Variants in DLEC1 observed in about 807,000 individuals in gnomAD.
DLEC1 encodes deleted in lung and esophageal cancer protein 1.
A neutral mutation model predicts 198.1 loss-of-function variants in DLEC1; 146 were observed. The observed-to-expected ratio is 0.74, with a 90% confidence interval of 0.64 to 0.85. The LOEUF is 0.85. DLEC1 is among the 40% of genes least tolerant of loss of function. The pLI is 0.00. For missense variants in DLEC1, 2,233 were observed against 2,220.0 expected (o/e 1.01, Z -0.12); for synonymous variants, 897 against 866.8 (o/e 1.03, Z -0.61).
At chr3:38,049,993 A>C (rs1035135981) in intron 2 of DLEC1, among the ~76,000 whole-genome samples, 1 of 152,170 alleles carries the variant, frequency 6.6e-6, no homozygotes, top group Admixed American at 6.6e-5. Context: ...GAGTTTTGGA[A>C]AGGAAGGCCA....
chr3:38,108,359 C>G (rs747415157), intron 20 of DLEC1, 46 bp from the exon 21 acceptor site: 3 of 1,506,182 alleles, frequency 2.0e-6, no homozygotes, highest in Non-Finnish European at 2.8e-6. Flanking sequence ...CTGGTCCATT[C>G]TGGGAGCCCA....
intron 19 of DLEC1, among the ~76,000 whole-genome samples, chr3:38,104,057 A>G (rs1699443934): frequency 6.6e-6 from 1 of 152,260 alleles, no homozygotes; most frequent in Non-Finnish European, 1.5e-5. Flanking sequence ...CAGCGTTGTC[A>G]CAAACCTTCG....
intron 21 of DLEC1, 45 bp downstream of exon 21, chr3:38,108,560 G>T: frequency 6.6e-7 from 1 of 1,506,430 alleles, no homozygotes. Flanking sequence ...AAGGCACCCT[G>T]CCAACCATAC....
At chr3:38,092,901 A>G in intron 11 of DLEC1, 21 bp downstream of exon 11, 1 of 1,613,184 alleles carries the variant, frequency 6.2e-7, no homozygotes, top group East Asian at 2.2e-5. Context: ...GTGTACTCCC[A>G]GGGGCAAGGC....
chr3:38,079,784 C>T (rs1328660077), intron 6 of DLEC1, among the ~76,000 whole-genome samples: 1 of 152,132 alleles, frequency 6.6e-6, no homozygotes, highest in African/African-American at 2.4e-5. Flanking sequence ...CTGGCTGCTG[C>T]GGTTCAGGCG....
chr3:38,090,951 T>C (rs1191047148), intron 10 of DLEC1, among the ~76,000 whole-genome samples: 1 of 152,192 alleles, frequency 6.6e-6, no homozygotes, highest in Non-Finnish European at 1.5e-5. Context: ...CCCACCCTGC[T>C]CTTCTAGATT....
intron 18 of DLEC1, among the ~76,000 whole-genome samples, chr3:38,099,096 T>C (rs936046208): frequency 6.6e-6 from 1 of 152,072 alleles, no homozygotes; most frequent in Non-Finnish European, 1.5e-5. Flanking sequence ...GCCCAGAACA[T>C]AGAATAAACT....
chr3:38,097,092 T>A, intron 15 of DLEC1, 90 bp from the exon 16 acceptor site: 3 of 1,263,158 alleles, frequency 2.4e-6, no homozygotes, highest in Non-Finnish European at 2.2e-6. Flanking sequence ...ATGGACTCTT[T>A]ACGAGCCCAC....
chr3:38,106,988 G>T (rs1027936177), intron 19 of DLEC1, among the ~76,000 whole-genome samples: 1 of 152,186 alleles, frequency 6.6e-6, no homozygotes, highest in Non-Finnish European at 1.5e-5. Context: ...CTATCAGAGA[G>T]TTGAGGTTGC....
chr3:38,090,575 A>G (rs997814232), intron 10 of DLEC1, among the ~76,000 whole-genome samples: 1 of 152,232 alleles, frequency 6.6e-6, no homozygotes, highest in Non-Finnish European at 1.5e-5. Context: ...CAAATTATGT[A>G]TAAATTATAC....
chr3:38,057,491 CAA>C (rs112173978), intron 2 of DLEC1, among the ~76,000 whole-genome samples: 1 of 139,234 alleles, frequency 7.2e-6, no homozygotes, highest in Non-Finnish European at 1.6e-5. Flanking sequence ...GACTGTGTCT[CAA>C]AAAAAAAAAG....
intron 6 of DLEC1, among the ~76,000 whole-genome samples, chr3:38,073,285 G>C (rs1697425024): frequency 6.6e-6 from 1 of 152,228 alleles, no homozygotes; most frequent in Non-Finnish European, 1.5e-5. Context: ...TGTAAGACTT[G>C]TCTGGTTTTT....
At chr3:38,110,331 G>A in intron 23 of DLEC1, 50 bp downstream of exon 23, 2 of 1,602,576 alleles carry the variant, frequency 1.2e-6, no homozygotes, top group South Asian at 1.1e-5. Context: ...TGGATGGGGT[G>A]TACCCTGTTG....
At chr3:38,069,311 C>T (rs1399529302) in intron 6 of DLEC1, among the ~76,000 whole-genome samples, 1 of 152,120 alleles carries the variant, frequency 6.6e-6, no homozygotes, top group Non-Finnish European at 1.5e-5. Context: ...ATGAAACATT[C>T]GAGCTATTCC....
chr3:38,079,535 G>A (rs573399097), intron 6 of DLEC1, among the ~76,000 whole-genome samples: 62 of 152,332 alleles, frequency 4.1e-4, no homozygotes, highest in African/African-American at 1.5e-3. Context: ...GGCAGCATCA[G>A]TCTTCAGGCA....
rs1371605738 is a variant in DLEC1, at chr3:38,039,629, T to G, written c.404T>G (p.Leu135Arg). 6.3e-7 allele frequency: 1 copy of G among 1,599,544 alleles called. No homozygotes were observed. The highest frequency in any genetic ancestry group is 8.5e-7 in the Non-Finnish European group (1 of 1,169,908). The change falls in exon 1 of 37, where the codon CTG becomes CGG. Residue 135 changes from leucine to arginine, a missense_variant. Coordinates refer to ENST00000308059, the MANE Select transcript of DLEC1 (RefSeq NM_007335.4). ...CGCCACGAGGAGTTCGTGGACCAGC[T>G]GCAGCAGGTAACGTGGCGGTGGCGT... The part of the protein sequence containing the change: ...NERHEEFVDQ[L>R]QQIRELYKQR...
chr3:38,094,978 C>T lies in DLEC1; in HGVS notation c.2019C>T (p.Pro673=), dbSNP rs199675356. The part of the protein sequence containing the change: ...TFSMDSIKCY[P]DKETAFSIMP... ...GCATGGACAGCATCAAGTGCTACCCCGACAAGGAGACTGCCTTCTCCATCA... is the reference window on the plus strand; with the variant it reads ...GCATGGACAGCATCAAGTGCTACCCTGACAAGGAGACTGCCTTCTCCATCA... The change falls in exon 13 of 37, where the codon CCC becomes CCT. Residue 673 remains proline, a synonymous_variant. Coordinates refer to ENST00000308059, the MANE Select transcript of DLEC1 (RefSeq NM_007335.4). 1.7e-4 allele frequency: 279 copies of T among 1,614,200 alleles called. No individual in the cohort carries two copies. In the Middle Eastern group the frequency reaches 4.6e-3, roughly 27 times the overall value.
chr3:38,070,096 C>A (rs771039988), intron 6 of DLEC1, among the ~76,000 whole-genome samples: 13 of 152,150 alleles, frequency 8.5e-5, no homozygotes, highest in Non-Finnish European at 1.6e-4. Context: ...TGATGTGCTA[C>A]ACACTGTGCT....
Position 38,118,003 on chromosome 3 carries a change from C to G in DLEC1, c.4683C>G (p.Leu1561=). 1 of 1,607,900 alleles carries G rather than the reference C, an allele frequency of 6.2e-7. No individual in the cohort carries two copies. Among genetic ancestry groups the G allele is most frequent in the Non-Finnish European group, 8.5e-7 (1 of 1,177,142 alleles). ...CCTCAGCGGACAAGCAGCTGGTGCT[C>G]CAAGCACAGGAGAACATGCTGGTCA... ...ETASADKQLV[L]QAQENMLVNV... is the part of the protein sequence containing the mutation. The change falls in exon 33 of 37, where the codon CTC becomes CTG. Residue 1561 remains leucine (L), a synonymous_variant. Transcript: ENST00000308059.
Sources: gnomAD v4.1 joint callset for allele counts (sites outside exome capture counted in the v4.1 genomes callset) on GRCh38, gnomAD v4.1.1 for gene constraint, MANE v1.5 for transcripts, NCBI Gene and HGNC (gene_info 2026-07-23, HGNC 2026-07-21) for gene names.